Variants in PIGG observed in about 807,000 individuals in gnomAD.
The protein encoded by PIGG is GPI ethanolamine phosphate transferase 2, catalytic subunit.
PIGG carries 70 observed loss-of-function variants against 83.2 expected under a neutral mutation model. The observed-to-expected ratio is 0.84, with a 90% confidence interval of 0.69 to 1.03. The LOEUF (loss-of-function observed/expected upper bound fraction) is 1.03. PIGG is among the 50% of genes least tolerant of loss of function. The pLI, the probability that PIGG is intolerant of heterozygous loss-of-function variation, is 0.00. For missense variants in PIGG, 1,257 were observed against 1,233.6 expected, an observed-to-expected ratio of 1.02 and a Z score of -0.28; for synonymous variants, 532 against 519.5, an observed-to-expected ratio of 1.02 and a Z score of -0.33.
rs754098384 is a variant in PIGG at position 533,863 on chromosome 4, G to A, written c.2617G>A (p.Val873Met). 20 of 1,614,058 alleles carry A rather than the reference G, an allele frequency of 1.2e-5. No individual in the cohort carries two copies. Among genetic ancestry groups the A allele is most frequent in the African/African-American group, 2.7e-5 (2 of 74,944 alleles). The stretch of plus-strand genomic sequence containing the variant: ...CACCGTGGACATCTCCGCAGGCTTC[G>A]TGGGCTTAGACACCTACGTGGAAAT... Reference protein sequence around the residue: ...IATVDISAGFVGLDTYVEIPA... With the variant: ...IATVDISAGFMGLDTYVEIPA... The change falls in exon 12 of 13, where the codon GTG becomes ATG. Residue 873 changes from valine to methionine, a missense_variant. Coordinates refer to ENST00000453061, the MANE Select transcript of PIGG (RefSeq NM_001127178.3).
At chr4:524,282 C>T (rs1560346539) in intron 9 of PIGG, among the ~76,000 whole-genome samples, 1 of 152,218 alleles carries the variant, frequency 6.6e-6, no homozygotes, top group Non-Finnish European at 1.5e-5. Flanking sequence ...GCCCCCCGCC[C>T]ATCACTCAGT....
Position 523,459 on chromosome 4 carries a change from A to C in PIGG, c.1615A>C (p.Asn539His). The C allele has an allele frequency of 6.3e-7, 1 of 1,599,122 alleles. No individual in the cohort carries two copies. The highest frequency in any genetic ancestry group is 8.5e-7 in the Non-Finnish European group (1 of 1,170,370). ...VLVGGNTPRK[N>H]PMHPSSRWSE... is the part of the protein sequence containing the mutation. ...ACAAAGTGCACTTTCCTTTTCACAG[A>C]ACCCCATGCATCCCAGCTCAAGGTG... Residue 539 changes from asparagine (N) to histidine (H), a missense_variant and splice_region_variant, in exon 9 of 13, where the codon AAC becomes CAC. Transcript: ENST00000453061.
rs1723442161 is a variant in PIGG, at chr4:515,262, C to T, written c.902-711C>T. ...GTCTTTACAGATGAAAACACTTCGA[C>T]CAAGTTGAGTTTCTGCTCCGAAATC... On this transcript the variant is annotated intron_variant, in intron 5 of 12. Coordinates refer to ENST00000453061, the MANE Select transcript of PIGG (RefSeq NM_001127178.3). This position sits in a 1 kb window ranked among gnomAD's most constrained non-coding sequence, Gnocchi z 4.2. Among the ~76,000 whole-genome samples the T allele has an allele frequency of 6.6e-6, 1 of 152,224 alleles. No individual in the cohort carries two copies. Among genetic ancestry groups the T allele is most frequent in the Non-Finnish European group, 1.5e-5 (1 of 68,038 alleles).
At chr4:505,386 T>C (rs1719244724) in intron 2 of PIGG, among the ~76,000 whole-genome samples, 1 of 150,164 alleles carries the variant, frequency 6.7e-6, no homozygotes, top group African/African-American at 2.5e-5. Context: ...ATGCCCTAGC[T>C]TTATGCTCAC....
At chr4:521,623 C>T (rs1725911772) in intron 7 of PIGG, 37 bp from the exon 8 acceptor site, 7 of 1,599,244 alleles carry the variant, frequency 4.4e-6, no homozygotes, top group Non-Finnish European at 6.0e-6. Flanking sequence ...TTCTCCAAGC[C>T]CAGCAGTCTG....
intron 11 of PIGG, chr4:533,375 G>C (rs1729546097): frequency 1.2e-5 from 2 of 171,912 alleles, no homozygotes; most frequent in African/African-American, 4.7e-5. Flanking sequence ...CTAGTCTTCA[G>C]CCCAGCTCCC....
rs542716465 is a variant in PIGG, at chr4:528,944, C to T, written c.2262-1492C>T. On this transcript the variant is annotated intron_variant, in intron 10 of 12. Coordinates refer to ENST00000453061, the MANE Select transcript of PIGG (RefSeq NM_001127178.3). The surrounding 1 kb of genome is among the most constrained non-coding windows in gnomAD (Gnocchi z 4.8). ...GGTCCTGGCTACAGAGGCATCCTGG[C>T]TCTAGATCATTGTAACAGCTGCCGC... 1.3e-5 allele frequency among the ~76,000 whole-genome samples: 2 copies of T among 152,280 alleles called. No individual in the cohort carries two copies. The highest frequency in any genetic ancestry group is 2.9e-5 in the Non-Finnish European group (2 of 68,024).
chr4:523,998 C>T, intron 9 of PIGG, 85 bp downstream of exon 9: 1 of 854,082 alleles, frequency 1.2e-6, no homozygotes, highest in Non-Finnish European at 1.8e-6. Flanking sequence ...TAAATTGAGA[C>T]CATTTTTCAT....
intron 10 of PIGG, 144 bp from the exon 11 acceptor site, chr4:530,292 T>TA (rs1369215026): frequency 3.2e-6 from 2 of 628,578 alleles, no homozygotes; most frequent in Non-Finnish European, 5.5e-6. Context: ...ACCTGGGGGG[T>TA]AGGGAGGGTG....
Position 499,332 on chromosome 4 carries a change from C to T in PIGG, c.-4C>T, listed in dbSNP as rs782663868. 1 of 1,606,762 alleles carries T rather than the reference C, an allele frequency of 6.2e-7. No homozygotes were observed. Among genetic ancestry groups the T allele is most frequent in the Admixed American group, 1.7e-5 (1 of 59,958 alleles). ...GGTTCCGCATCCAGCCTAGCGTGTC[C>T]ACGATGCGGCTGGGCTCCGGGACTT... On this transcript the variant is annotated 5_prime_UTR_variant, in exon 1 of 13. Coordinates refer to ENST00000453061, the MANE Select transcript of PIGG (RefSeq NM_001127178.3).
intron 12 of PIGG, among the ~76,000 whole-genome samples, chr4:535,005 G>A (rs868406933): frequency 1.3e-5 from 2 of 152,240 alleles, no homozygotes; most frequent in African/African-American, 4.8e-5. Context: ...CGTTCCCACC[G>A]CCGCACACTC....
chr4:520,152 G>A (rs895044145), intron 6 of PIGG, among the ~76,000 whole-genome samples: 1 of 152,228 alleles, frequency 6.6e-6, no homozygotes, highest in Admixed American at 6.5e-5. Context: ...GGCATGCAGA[G>A]CCACAGGGTG....
intron 5 of PIGG, among the ~76,000 whole-genome samples, chr4:512,419 A>G (rs1722335394): frequency 6.6e-6 from 1 of 151,526 alleles, no homozygotes; most frequent in South Asian, 2.1e-4. Flanking sequence ...GTTTCACATT[A>G]TTGGCCAGGC....
chr4:521,237 C>T lies in PIGG; in HGVS notation c.1296C>T (p.Ile432=), dbSNP rs372138818. The T allele has an allele frequency of 2.5e-6, 4 of 1,613,940 alleles. No homozygotes were observed. Among genetic ancestry groups the T allele is most frequent in the African/African-American group, 1.3e-5 (1 of 74,916 alleles). ...SLSAQVAQYD[I]YSMMVGTVVV... ...GTGCACAAGTGGCCCAGTACGACAT[C>T]TATTCGATGATGGTGGGGACTGTCG... is the stretch of plus-strand genomic sequence containing the variant. The change falls in exon 7 of 13, where the codon ATC becomes ATT. Residue 432 remains isoleucine (I), a synonymous_variant. Transcript: ENST00000453061.
chr4:518,499 A>AG (rs1724671368), intron 6 of PIGG, among the ~76,000 whole-genome samples: 1 of 152,208 alleles, frequency 6.6e-6, no homozygotes, highest in Non-Finnish European at 1.5e-5. Flanking sequence ...AGGCTGAGGC[A>AG]GGAGAATGGT....
chr4:506,398 G>A (rs1488087945), intron 3 of PIGG, among the ~76,000 whole-genome samples: 3 of 152,150 alleles, frequency 2.0e-5, no homozygotes, highest in Non-Finnish European at 4.4e-5. Context: ...GGGTTTTCCT[G>A]GAGCTTTTCC....
intron 11 of PIGG, chr4:531,115 A>G (rs11933478): frequency 0.18 from 36,998 of 201,482 alleles, 4,144 homozygotes; most frequent in African/African-American, 0.33. Flanking sequence ...ACTGGGGACC[A>G]TTGGTGCCCC....
chr4:519,216 G>A (rs577754889), intron 6 of PIGG, among the ~76,000 whole-genome samples: 73 of 152,242 alleles, frequency 4.8e-4, no homozygotes, highest in Middle Eastern at 6.8e-3. Flanking sequence ...GCTTGTGTGC[G>A]TGCGTGCGTG....
intron 3 of PIGG, among the ~76,000 whole-genome samples, chr4:506,455 T>C (rs73794921): frequency 0.01 from 1,561 of 152,266 alleles, 25 homozygotes; most frequent in African/African-American, 0.036. Context: ...GGGGCTGAGG[T>C]AGGAGCACAC....
Sources: allele counts gnomAD v4.1 joint callset (sites outside exome capture counted in the v4.1 genomes callset), GRCh38; gene constraint gnomAD v4.1.1; non-coding constraint Gnocchi (gnomAD v3.1); transcripts MANE v1.5; gene names NCBI Gene and HGNC (gene_info 2026-07-23, HGNC 2026-07-21).